The following CUBN variants were observed in gnomAD, a reference collection of about 807,000 sequenced individuals.
The protein encoded by CUBN is 460 kDa receptor.
A neutral mutation model predicts 405.3 loss-of-function variants in CUBN; 282 were observed. That is an observed-to-expected ratio of 0.70 (90% CI 0.63 to 0.77). The LOEUF (loss-of-function observed/expected upper bound fraction) is 0.77. Among genes scored for constraint, CUBN ranks in the 30% least tolerant of loss-of-function variants. The pLI is 0.00. For synonymous variants in CUBN, 1,684 were observed against 1,617.0 expected (o/e 1.04, Z -0.99); for missense variants, 4,514 against 4,475.2 (o/e 1.01, Z -0.25).
intron 31 of CUBN, among the ~76,000 whole-genome samples, chr10:16,976,465 G>A (rs1259856647): frequency 6.6e-6 from 1 of 151,144 alleles, no homozygotes; most frequent in Admixed American, 6.6e-5. Context: ...TACTCCTCTA[G>A]CTGACTGTAA....
intron 64 of CUBN, among the ~76,000 whole-genome samples, chr10:16,833,122 T>C (rs149338214): frequency 0.01 from 1,549 of 152,294 alleles, 10 homozygotes; most frequent in Non-Finnish European, 0.018. Context: ...CTCTGATCAA[T>C]AATGGTCCAT....
chr10:17,003,126 A>G (rs1430382563), intron 28 of CUBN, among the ~76,000 whole-genome samples: 1 of 152,174 alleles, frequency 6.6e-6, no homozygotes, highest in East Asian at 1.9e-4. Context: ...ACTTAAACAG[A>G]GCTAGTTGTT....
intron 27 of CUBN, among the ~76,000 whole-genome samples, chr10:17,020,975 C>A (rs1463757488): frequency 6.6e-6 from 1 of 152,204 alleles, no homozygotes; most frequent in African/African-American, 2.4e-5. Flanking sequence ...TATCCTCCCA[C>A]AAGCAGTTAA....
intron 28 of CUBN, among the ~76,000 whole-genome samples, chr10:17,012,784 A>G (rs1834219605): frequency 6.6e-6 from 1 of 152,190 alleles, no homozygotes; most frequent in South Asian, 2.1e-4. Context: ...GAGCAGACCA[A>G]TTATTGGGCA....
chr10:16,891,083 T>C (rs1280394478), intron 54 of CUBN, among the ~76,000 whole-genome samples: 1 of 152,220 alleles, frequency 6.6e-6, no homozygotes, highest in African/African-American at 2.4e-5. Context: ...TGACATCCAG[T>C]CAGTGTGTGC....
intron 62 of CUBN, among the ~76,000 whole-genome samples, chr10:16,839,411 G>A (rs1839271827): frequency 6.6e-6 from 1 of 152,036 alleles, no homozygotes; most frequent in Admixed American, 6.6e-5. Context: ...CGAAGGATAT[G>A]AACAGACACT....
intron 40 of CUBN, among the ~76,000 whole-genome samples, chr10:16,930,762 G>A (rs1366213874): frequency 6.6e-6 from 1 of 152,122 alleles, no homozygotes; most frequent in Non-Finnish European, 1.5e-5. Context: ...ACCCTCTCTG[G>A]GGTAGCCCAG....
At chr10:17,095,454 G>A (rs1312880674) in intron 14 of CUBN, among the ~76,000 whole-genome samples, 1 of 151,974 alleles carries the variant, frequency 6.6e-6, no homozygotes, top group African/African-American at 2.4e-5. Context: ...GATCCAAATA[G>A]ACATTTCTGA....
intron 28 of CUBN, among the ~76,000 whole-genome samples, chr10:17,013,736 G>A (rs946220083): frequency 3.1e-4 from 47 of 152,288 alleles, no homozygotes; most frequent in African/African-American, 9.9e-4. Flanking sequence ...TCTAAGGCTC[G>A]AGTAAGTGCC....
intron 40 of CUBN, among the ~76,000 whole-genome samples, chr10:16,929,699 T>C (rs1364715770): frequency 6.6e-6 from 1 of 152,216 alleles, no homozygotes; most frequent in Non-Finnish European, 1.5e-5. Context: ...TCTCTTATAG[T>C]TCTTTTGCAT....
intron 27 of CUBN, 136 bp from the exon 28 acceptor site, chr10:17,020,119 C>G: frequency 2.4e-6 from 2 of 832,732 alleles, no homozygotes; most frequent in Non-Finnish European, 4.0e-6. Flanking sequence ...GTTGAGTACA[C>G]AGAACTCAAC....
intron 59 of CUBN, among the ~76,000 whole-genome samples, chr10:16,862,280 C>T (rs1179953617): frequency 6.6e-6 from 1 of 152,134 alleles, no homozygotes; most frequent in Non-Finnish European, 1.5e-5. Flanking sequence ...CAGTCAAACT[C>T]ATGTTCAAAG....
At chr10:17,065,781 G>T in intron 21 of CUBN, 143 bp from the exon 22 acceptor site, 1 of 1,019,342 alleles carries the variant, frequency 9.8e-7, no homozygotes, top group Non-Finnish European at 1.5e-6. Context: ...TATATTTCAG[G>T]CAAAAAAGAT....
chr10:16,931,463 G>A (rs566096972), intron 40 of CUBN, among the ~76,000 whole-genome samples: 20 of 152,254 alleles, frequency 1.3e-4, no homozygotes, highest in South Asian at 1.0e-3. Context: ...CGGAAAGGCC[G>A]CATAACCACT....
Position 16,982,555 on chromosome 10 carries a change from C to T in CUBN, c.4624G>A (p.Val1542Ile), listed in dbSNP as rs758352550. ...AAGAGAACACGATGATTTCTGTCAA[C>T]CCGAATGACCCAAGAACAGTCTGTG... ...SNTDCSWVIRVDRNHRVLLNF... is the reference protein window; with the variant it reads ...SNTDCSWVIRIDRNHRVLLNF... Residue 1542 changes from valine (V) to isoleucine (I), a missense_variant, in exon 31 of 67, where the codon GTT becomes ATT. By Grantham distance (29) the Val-to-Ile change is conservative. This residue lies in a region of CUBN where 1,613 missense variants were observed against 1,542.8 expected (regional missense o/e 1.05). Coordinates refer to ENST00000377833, the MANE Select transcript of CUBN (RefSeq NM_001081.4). 8 of 1,613,684 alleles carry T rather than the reference C, an allele frequency of 5.0e-6. No homozygotes were observed. In the South Asian group the frequency reaches 5.5e-5, roughly 11 times the overall value.
chr10:17,045,517 G>A (rs1270501917), intron 24 of CUBN, among the ~76,000 whole-genome samples: 3 of 151,684 alleles, frequency 2.0e-5, no homozygotes, highest in Admixed American at 6.6e-5. Flanking sequence ...CTGCCACCAC[G>A]TCCAGCTAAT....
rs754565883 is a variant in CUBN at position 16,914,004 on chromosome 10, A to C, written c.7352-12T>G. The C allele has an allele frequency of 1.2e-6, 2 of 1,613,400 alleles. No individual in the cohort carries two copies. Among genetic ancestry groups the C allele is most frequent in the East Asian group, 4.5e-5 (2 of 44,882 alleles). Reference sequence around the variant, plus strand: ...ATCCCCACCACACTCTGACGTGGGGAAAAAGCCAAGAAAACTTTCAATCAA... The same window carrying C: ...ATCCCCACCACACTCTGACGTGGGGCAAAAGCCAAGAAAACTTTCAATCAA... On this transcript the variant is annotated splice_polypyrimidine_tract_variant and intron_variant, in intron 47 of 66. Coordinates refer to ENST00000377833, the MANE Select transcript of CUBN (RefSeq NM_001081.4).
In CUBN at chr10:17,071,586, G is replaced by A. The variant is rs754921171; in HGVS notation, c.2465C>T (p.Thr822Ile). 5.6e-6 allele frequency: 9 copies of A among 1,613,590 alleles called. No individual in the cohort carries two copies. Among genetic ancestry groups the A allele is most frequent in the Non-Finnish European group, 7.6e-6 (9 of 1,179,846 alleles). The change falls in exon 19 of 67, where the codon ACT becomes ATT. Residue 822 changes from threonine (T) to isoleucine (I), a missense_variant. By Grantham distance (89) the Thr-to-Ile change is moderately conservative. Transcript: ENST00000377833. Reference protein sequence around the residue: ...VYQVACGDELTGEGVIRSPFF... With the variant: ...VYQVACGDELIGEGVIRSPFF... ...AGGCGAGCGAATGACCCCTTCTCCAGTTAATTCATCCCCGCAAGCTGTAAG... is the reference window on the plus strand; with the variant it reads ...AGGCGAGCGAATGACCCCTTCTCCAATTAATTCATCCCCGCAAGCTGTAAG...
chr10:17,125,482 T>C (rs1260375819), intron 4 of CUBN, among the ~76,000 whole-genome samples: 2 of 152,234 alleles, frequency 1.3e-5, no homozygotes, highest in Non-Finnish European at 2.9e-5. Context: ...CTCTTTGTGC[T>C]AGCACAACAA....
Sources: allele counts gnomAD v4.1 joint callset (sites outside exome capture counted in the v4.1 genomes callset), GRCh38; gene constraint gnomAD v4.1.1; regional missense constraint gnomAD v4.1.1; transcripts MANE v1.5; gene names NCBI Gene and HGNC (gene_info 2026-07-23, HGNC 2026-07-21).